The following BTNL8 variants were observed in gnomAD, a reference collection of about 807,000 sequenced individuals.
BTNL8 encodes butyrophilin like 8.
A neutral mutation model predicts 36.1 loss-of-function variants in BTNL8; 22 were observed. That is an observed-to-expected ratio of 0.61 (90% confidence interval 0.44 to 0.87). The LOEUF is 0.87. Among genes scored for constraint, BTNL8 ranks in the 40% least tolerant of loss-of-function variants. The pLI is 0.00. For missense variants in BTNL8, 526 were observed against 616.9 expected, an observed-to-expected ratio of 0.85 and a Z score of 1.56; for synonymous variants, 203 against 235.6, an observed-to-expected ratio of 0.86 and a Z score of 1.27.
chr5:180,929,153 A>T (rs958120919), intron 3 of BTNL8, among the ~76,000 whole-genome samples: 2 of 152,238 alleles, frequency 1.3e-5, no homozygotes, highest in African/African-American at 2.4e-5. Flanking sequence ...ACTCAGGATT[A>T]AAAAACTCAC....
At position 180,913,503 on chromosome 5, in the gene BTNL8, A is replaced by G. The variant is rs142507764; in HGVS notation, c.673+1889A>G. Among the ~76,000 whole-genome samples, 587 of 152,340 alleles carry G rather than the reference A, an allele frequency of 3.9e-3. 1 individual carries two copies. The highest frequency in any genetic ancestry group is 1.0e-2 in the African/African-American group (415 of 41,584). On this transcript the variant is annotated intron_variant, in intron 3 of 7. Transcript: ENST00000340184. ...GAGCTAGTTGGTTTTTCTAATCTAT[A>G]CAGACCAGAAATCCAGAGAATCCAT...
At chr5:180,945,611 T>C in intron 3 of BTNL8, 2 of 236,118 alleles carry the variant, frequency 8.5e-6, no homozygotes, top group Non-Finnish European at 9.1e-6. Flanking sequence ...AACAGCTCAA[T>C]AGAAAGAAAA....
chr5:180,912,820 CAT>C (rs79066692), intron 3 of BTNL8, among the ~76,000 whole-genome samples: 4,316 of 152,276 alleles, frequency 0.028, 105 homozygotes, highest in East Asian at 0.11. Flanking sequence ...TATTTTCAAA[CAT>C]GTGTGTCGAC....
chr5:180,918,304 C>T (rs968910977), intron 3 of BTNL8, among the ~76,000 whole-genome samples: 3 of 152,124 alleles, frequency 2.0e-5, no homozygotes, highest in African/African-American at 7.2e-5. Context: ...AAACATTAAA[C>T]GTATCCCCAT....
At chr5:180,926,844 C>G (rs1758124829) in intron 3 of BTNL8, among the ~76,000 whole-genome samples, 1 of 152,196 alleles carries the variant, frequency 6.6e-6, no homozygotes, top group African/African-American at 2.4e-5. Context: ...AGATAAAACT[C>G]CCATCTCCCT....
At chr5:180,922,981 T>C (rs2113810273) in intron 3 of BTNL8, among the ~76,000 whole-genome samples, 1 of 152,330 alleles carries the variant, frequency 6.6e-6, no homozygotes, top group Non-Finnish European at 1.5e-5. Flanking sequence ...GTTTAAAGTC[T>C]GTTTTGTCTC....
At position 180,899,367 on chromosome 5, in the gene BTNL8, T is replaced by A; in HGVS notation, c.49+8T>A. The A allele has an allele frequency of 6.2e-7, 1 of 1,612,230 alleles. No individual in the cohort carries two copies. The highest frequency in any genetic ancestry group is 8.5e-7 in the Non-Finnish European group (1 of 1,178,216). ...TCCTCAAGCTGGGATCAGGTAAGAC[T>A]CATCTTTGTTTCCTCCTTACTAACT... On this transcript the variant is annotated splice_region_variant and intron_variant, in intron 1 of 7. Coordinates refer to ENST00000340184, the MANE Select transcript of BTNL8 (RefSeq NM_001040462.3).
At chr5:180,901,818 A>G (rs1225221496) in intron 1 of BTNL8, among the ~76,000 whole-genome samples, 3 of 152,248 alleles carry the variant, frequency 2.0e-5, no homozygotes, top group Non-Finnish European at 4.4e-5. Flanking sequence ...AAGTGGAAAA[A>G]ATTACTACAC....
intron 3 of BTNL8, chr5:180,945,883 CA>C: frequency 2.7e-6 from 1 of 375,670 alleles, no homozygotes; most frequent in South Asian, 2.0e-5. Flanking sequence ...ACGCAAAGGA[CA>C]TATGTTTCAT....
chr5:180,908,235 C>T lies in BTNL8; in HGVS notation c.50-351C>T, dbSNP rs565762235. 1.8e-4 allele frequency among the ~76,000 whole-genome samples: 28 copies of T among 152,260 alleles called. No homozygotes were observed. In the East Asian group the frequency reaches 4.8e-3, roughly 26 times the overall value. On this transcript the variant is annotated intron_variant, in intron 1 of 7. Transcript: ENST00000340184. ...GTGGTGCGCCGTTTCTTAAGCCCAT[C>T]GGAAAAGCGCAATATTCGGGTGGGA... is the stretch of plus-strand genomic sequence containing the variant.
intron 3 of BTNL8, 115 bp downstream of exon 3, chr5:180,911,729 T>G: frequency 9.0e-7 from 1 of 1,105,676 alleles, no homozygotes; most frequent in Non-Finnish European, 1.3e-6. Flanking sequence ...TCTAATGATT[T>G]ATTTTAAAAG....
intron 3 of BTNL8, among the ~76,000 whole-genome samples, chr5:180,919,396 G>A (rs1757774586): frequency 6.6e-6 from 1 of 152,174 alleles, no homozygotes; most frequent in Non-Finnish European, 1.5e-5. Context: ...CCATTCAGTT[G>A]ACTGGGAAGC....
At chr5:180,908,434 C>G (rs549908371) in intron 1 of BTNL8, 152 bp from the exon 2 acceptor site, 2 of 744,170 alleles carry the variant, frequency 2.7e-6, no homozygotes, top group South Asian at 1.8e-5. Flanking sequence ...GAGATGAACC[C>G]GGTACCTCAG....
intron 1 of BTNL8, among the ~76,000 whole-genome samples, chr5:180,900,142 A>G (rs918861386): frequency 2.6e-5 from 4 of 152,226 alleles, no homozygotes; most frequent in Non-Finnish European, 5.9e-5. Context: ...ATGTGTTACT[A>G]ACAGGAGACG....
chr5:180,949,440 T>C (rs1759442594), intron 7 of BTNL8, 175 bp downstream of exon 7: 1 of 1,019,022 alleles, frequency 9.8e-7, no homozygotes, highest in Middle Eastern at 2.1e-4. Flanking sequence ...GACACACTTC[T>C]TTCCCTTGGT....
chr5:180,907,891 T>C (rs1436625326), intron 1 of BTNL8, among the ~76,000 whole-genome samples: 5 of 151,690 alleles, frequency 3.3e-5, no homozygotes, highest in Non-Finnish European at 7.4e-5. Context: ...GATCTCCAGC[T>C]GCGTGCTGGG....
chr5:180,936,860 T>C (rs1345477027), intron 3 of BTNL8, among the ~76,000 whole-genome samples: 1 of 152,154 alleles, frequency 6.6e-6, no homozygotes, highest in Non-Finnish European at 1.5e-5. Flanking sequence ...AACTTTCAAC[T>C]GTCAGAGGTG....
intron 1 of BTNL8, 93 bp downstream of exon 1, chr5:180,899,452 C>T (rs1756729596): frequency 1.3e-5 from 18 of 1,407,578 alleles, no homozygotes; most frequent in Admixed American, 1.7e-5. Flanking sequence ...GCATCTTTGT[C>T]GTTTCCATTC....
At chr5:180,914,540 C>G (rs1757539584) in intron 3 of BTNL8, among the ~76,000 whole-genome samples, 1 of 152,142 alleles carries the variant, frequency 6.6e-6, no homozygotes, top group South Asian at 2.1e-4. Context: ...ATTTAATATT[C>G]ATATATGTTT....
Sources: gnomAD v4.1 joint callset for allele counts (sites outside exome capture counted in the v4.1 genomes callset) on GRCh38, gnomAD v4.1.1 for gene constraint, MANE v1.5 for transcripts, NCBI Gene and HGNC (gene_info 2026-07-23, HGNC 2026-07-21) for gene names.